The following JAZF1 variants were observed in gnomAD, a reference collection of about 807,000 sequenced individuals.
JAZF1 encodes the protein JAZF zinc finger 1.
A neutral mutation model predicts 26.4 loss-of-function variants in JAZF1; 8 were observed. The ratio of observed to expected loss-of-function variants is 0.30; its 90% CI spans 0.18 to 0.55. JAZF1 has a LOEUF of 0.55. Ranked by LOEUF, JAZF1 falls within the 20% of genes least tolerant of loss-of-function variation. The pLI, the probability that JAZF1 is intolerant of heterozygous loss-of-function variation, is 0.94. For synonymous variants in JAZF1, 126 were observed against 122.3 expected (o/e 1.03, Z -0.20); for missense variants, 199 against 322.0 (o/e 0.62, Z 2.92).
rs1290992935 is a variant in JAZF1 at position 27,831,619 on chromosome 7, CAA to C, written c.*1179_*1180del. The C allele has an allele frequency of 4.4e-6, 1 of 225,518 alleles. No individual in the cohort carries two copies. The highest frequency in any genetic ancestry group is 8.9e-6 in the Non-Finnish European group (1 of 112,980). 14.0% of individuals were successfully genotyped at this position (225,518 alleles called of 1,614,324 possible). On this transcript the variant is annotated 3_prime_UTR_variant, in exon 5 of 5. Coordinates refer to ENST00000283928, the MANE Select transcript of JAZF1 (RefSeq NM_175061.4). ...AATAAGGCTCATTTTCCTATTTCAG[CAA>C]AGTGTTTGTTTTATAAAGCTAAACA...
chr7:28,015,231 C>A (rs1193384202), intron 1 of JAZF1, among the ~76,000 whole-genome samples: 1 of 152,086 alleles, frequency 6.6e-6, no homozygotes, highest in East Asian at 1.9e-4. Context: ...TGGTATCATT[C>A]CATTTTAAAC....
intron 1 of JAZF1, among the ~76,000 whole-genome samples, chr7:28,112,779 G>A (rs1337421099): frequency 6.6e-6 from 1 of 152,156 alleles, no homozygotes; most frequent in Non-Finnish European, 1.5e-5. Flanking sequence ...GGCAAAGAAG[G>A]CTGACCGTAC....
At chr7:27,928,680 C>G (rs770556735) in intron 2 of JAZF1, among the ~76,000 whole-genome samples, 2 of 152,118 alleles carry the variant, frequency 1.3e-5, no homozygotes, top group African/African-American at 4.8e-5. Flanking sequence ...AGCAAAGTAA[C>G]GCATGAACAT....
At chr7:28,166,408 GA>G (rs1783368215) in intron 1 of JAZF1, among the ~76,000 whole-genome samples, 1 of 152,172 alleles carries the variant, frequency 6.6e-6, no homozygotes, top group South Asian at 2.1e-4. Context: ...TATTATTAAA[GA>G]GATGCACAGC....
At position 28,041,558 on chromosome 7, in the gene JAZF1, C is replaced by T. The variant is rs138728991; in HGVS notation, c.116-49577G>A. On this transcript the variant is annotated intron_variant, in intron 1 of 4. Transcript: ENST00000283928. The stretch of plus-strand genomic sequence containing the variant: ...TGAGATATCACCGCTTCTTGTGCCT[C>T]TTTACTTTCCAAGACATGTTTGTGT... Among the ~76,000 whole-genome samples the T allele has an allele frequency of 1.3e-3, 191 of 152,240 alleles. 1 individual carries two copies. The highest frequency in any genetic ancestry group is 2.6e-3 in the Admixed American group (40 of 15,290).
intron 1 of JAZF1, among the ~76,000 whole-genome samples, chr7:28,071,204 G>C (rs1381819269): frequency 6.6e-6 from 1 of 152,210 alleles, no homozygotes. Flanking sequence ...CCGGAAGCCA[G>C]TGCACAGGGA....
chr7:28,102,402 G>A (rs957608948), intron 1 of JAZF1, among the ~76,000 whole-genome samples: 3 of 152,162 alleles, frequency 2.0e-5, no homozygotes, highest in Non-Finnish European at 2.9e-5. Context: ...GAATAGAAAC[G>A]ATTCCCATAA....
intron 1 of JAZF1, among the ~76,000 whole-genome samples, chr7:28,017,884 G>A (rs1782924924): frequency 6.6e-6 from 1 of 152,144 alleles, no homozygotes; most frequent in Non-Finnish European, 1.5e-5. Flanking sequence ...AGCGATTCTT[G>A]TGTCTCAGCC....
intron 3 of JAZF1, among the ~76,000 whole-genome samples, chr7:27,880,845 A>G (rs997888907): frequency 6.6e-5 from 10 of 152,084 alleles, no homozygotes; most frequent in Non-Finnish European, 1.3e-4. Flanking sequence ...AAAAACAGTT[A>G]TTTGCAGAGA....
At chr7:28,147,586 G>A (rs1207655501) in intron 1 of JAZF1, among the ~76,000 whole-genome samples, 1 of 151,648 alleles carries the variant, frequency 6.6e-6, no homozygotes, top group Non-Finnish European at 1.5e-5. Context: ...AGTGGGCCAT[G>A]CCTGTAATCC....
chr7:28,102,002 T>C (rs1784479546), intron 1 of JAZF1, among the ~76,000 whole-genome samples: 1 of 152,146 alleles, frequency 6.6e-6, no homozygotes, highest in African/African-American at 2.4e-5. Flanking sequence ...GAGGAATAAA[T>C]GGTGCCTCAT....
At chr7:28,051,565 A>C (rs1783618569) in intron 1 of JAZF1, among the ~76,000 whole-genome samples, 1 of 152,060 alleles carries the variant, frequency 6.6e-6, no homozygotes, top group South Asian at 2.1e-4. Context: ...AAAGTTCTGC[A>C]TTGTCTCCTG....
chr7:28,044,075 T>C (rs1320811675), intron 1 of JAZF1, among the ~76,000 whole-genome samples: 4 of 152,128 alleles, frequency 2.6e-5, no homozygotes, highest in African/African-American at 9.7e-5. Flanking sequence ...TGGTTGTACA[T>C]TACTGTAAAT....
intron 2 of JAZF1, among the ~76,000 whole-genome samples, chr7:27,900,234 T>A (rs1455117771): frequency 6.6e-6 from 1 of 152,202 alleles, no homozygotes; most frequent in Non-Finnish European, 1.5e-5. Flanking sequence ...TGACTTAAAT[T>A]TTCAGGGATT....
intron 1 of JAZF1, among the ~76,000 whole-genome samples, chr7:28,037,942 A>T (rs1783321971): frequency 6.6e-6 from 1 of 152,218 alleles, no homozygotes; most frequent in Non-Finnish European, 1.5e-5. Flanking sequence ...CTCTAGTCAC[A>T]TGTATGCATA....
chr7:27,929,066 G>A lies in JAZF1; in HGVS notation c.189-33650C>T, dbSNP rs574225182. Among the ~76,000 whole-genome samples the A allele has an allele frequency of 2.0e-5, 3 of 152,260 alleles. No individual in the cohort carries two copies. In the East Asian group the frequency reaches 5.8e-4, roughly 29 times the overall value. ...GCACGTTCAAGATTTGATTTAAACT[G>A]GCAACTCAGTTTTCTTGCAACTGAA... On this transcript the variant is annotated intron_variant, in intron 2 of 4. Coordinates refer to ENST00000283928, the MANE Select transcript of JAZF1 (RefSeq NM_175061.4).
chr7:27,906,234 G>A (rs1583457546), intron 2 of JAZF1, among the ~76,000 whole-genome samples: 1 of 146,824 alleles, frequency 6.8e-6, no homozygotes, highest in East Asian at 2.1e-4. Context: ...GACACACAGA[G>A]GGGTGGTGAG....
chr7:28,145,969 A>G (rs1783021890), intron 1 of JAZF1, among the ~76,000 whole-genome samples: 1 of 152,156 alleles, frequency 6.6e-6, no homozygotes, highest in Non-Finnish European at 1.5e-5. Context: ...GTTCCTTTTT[A>G]TTGCTGAGTA....
At chr7:28,124,748 G>A (rs150209133) in intron 1 of JAZF1, among the ~76,000 whole-genome samples, 3 of 152,306 alleles carry the variant, frequency 2.0e-5, no homozygotes, top group African/African-American at 7.2e-5. Context: ...TTTAAATAAA[G>A]TGACTGAAAT....
Sources: allele counts gnomAD v4.1 joint callset (sites outside exome capture counted in the v4.1 genomes callset), GRCh38; gene constraint gnomAD v4.1.1; transcripts MANE v1.5; gene names NCBI Gene and HGNC (gene_info 2026-07-23, HGNC 2026-07-21).